Variants in CACNA2D3 observed in about 807,000 individuals in gnomAD.
The protein encoded by CACNA2D3 is voltage-dependent calcium channel subunit alpha-2/delta-3.
In CACNA2D3, 60 loss-of-function variants were observed where a neutral mutation model predicts 160.6. That is an observed-to-expected ratio of 0.37 (90% CI 0.30 to 0.46). The LOEUF (loss-of-function observed/expected upper bound fraction) is 0.46, where lower values mean the gene tolerates loss of function less well. Among genes scored for constraint, CACNA2D3 ranks in the 20% least tolerant of loss-of-function variants. The pLI is 1.00. For synonymous variants in CACNA2D3, 558 were observed against 492.9 expected, an observed-to-expected ratio of 1.13 and a Z score of -1.75; for missense variants, 1,205 against 1,365.0, an observed-to-expected ratio of 0.88 and a Z score of 1.85.
chr3:54,971,948 A>G (rs1322831244), intron 29 of CACNA2D3, among the ~76,000 whole-genome samples: 3 of 152,226 alleles, frequency 2.0e-5, no homozygotes, highest in Admixed American at 6.5e-5. Context: ...GACATGAACA[A>G]TGCATGGTAT....
intron 11 of CACNA2D3, among the ~76,000 whole-genome samples, chr3:54,687,135 G>GTTTTTTT (rs1290353261): frequency 2.2e-5 from 2 of 88,896 alleles, no homozygotes; most frequent in African/African-American, 4.4e-5. Context: ...TTTTTTTTTT[G>GTTTTTTT]TTTTTTTTTT....
chr3:54,347,846 G>C (rs1000962198), intron 3 of CACNA2D3, among the ~76,000 whole-genome samples: 2 of 152,052 alleles, frequency 1.3e-5, no homozygotes, highest in African/African-American at 4.8e-5. Flanking sequence ...CCTTCCACTT[G>C]CTGACATACT....
chr3:54,337,598 C>T (rs1014232535), intron 3 of CACNA2D3, among the ~76,000 whole-genome samples: 8 of 152,194 alleles, frequency 5.3e-5, no homozygotes, highest in Non-Finnish European at 1.0e-4. Context: ...GGTCCTTTTC[C>T]AGTGGAGGGG....
chr3:54,924,506 C>G (rs2106939177), intron 27 of CACNA2D3: 1 of 866,654 alleles, frequency 1.2e-6, no homozygotes, highest in Admixed American at 2.3e-5. Context: ...TGTGTAAAAG[C>G]CCAAATCCAC....
At chr3:54,428,283 A>G (rs1699938195) in intron 4 of CACNA2D3, among the ~76,000 whole-genome samples, 1 of 152,228 alleles carries the variant, frequency 6.6e-6, no homozygotes, top group Non-Finnish European at 1.5e-5. Context: ...TGACTAAGCA[A>G]CTTAACAGTT....
intron 4 of CACNA2D3, among the ~76,000 whole-genome samples, chr3:54,442,113 C>A (rs565531778): frequency 1.3e-5 from 2 of 152,130 alleles, no homozygotes; most frequent in African/African-American, 4.8e-5. Context: ...CCAGCTCATA[C>A]GCTTAAATTG....
At chr3:55,046,252 G>GT (rs1347939363) in intron 35 of CACNA2D3, among the ~76,000 whole-genome samples, 3 of 95,922 alleles carry the variant, frequency 3.1e-5, no homozygotes, top group Non-Finnish European at 6.3e-5. Context: ...CCCTCCCCCC[G>GT]TCCCCCACCC....
intron 9 of CACNA2D3, among the ~76,000 whole-genome samples, chr3:54,606,140 A>G (rs1698614100): frequency 7.5e-6 from 1 of 132,906 alleles, no homozygotes; most frequent in Non-Finnish European, 1.6e-5. Flanking sequence ...TATGTAATGT[A>G]ACTTTATATA....
intron 11 of CACNA2D3, among the ~76,000 whole-genome samples, chr3:54,716,973 C>T (rs189541605): frequency 9.0e-4 from 136 of 151,770 alleles, no homozygotes; most frequent in African/African-American, 2.8e-3. Flanking sequence ...CAGAACCTGC[C>T]AGGACCTTCA....
rs57761171 is a variant in CACNA2D3, at chr3:54,171,136, C to CTTTTTTTTTTTTTTTTTTTTTTTT, written c.204+47564_204+47565insTTTTTTTTTTTTTTTTTTTTTTTT. ...TCTGTTTACATTTTAAAGATGATGA[C>CTTTTTTTTTTTTTTTTTTTTTTTT]TTTTTTTTTTTTTTTTTTTTTTAGG... On this transcript the variant is annotated intron_variant, in intron 2 of 37. Transcript: ENST00000474759. Among the ~76,000 whole-genome samples the CTTTTTTTTTTTTTTTTTTTTTTTT allele has an allele frequency of 2.2e-4, 14 of 62,552 alleles. 5 individuals carry two copies. The highest frequency in any genetic ancestry group is 4.4e-4 in the African/African-American group (8 of 18,058). The allele number at this position is 62,552 out of a possible 152,430, so 41.0% of individuals were successfully genotyped here. A position where few individuals can be genotyped will look rare whatever the true frequency, so the allele number is the denominator to read the frequency against.
intron 2 of CACNA2D3, among the ~76,000 whole-genome samples, chr3:54,281,017 C>T (rs973560221): frequency 1.3e-5 from 2 of 152,218 alleles, no homozygotes; most frequent in Non-Finnish European, 2.9e-5. Context: ...ATTCCTCTGT[C>T]TTCAGCATCC....
At chr3:54,890,250 A>C (rs1457707261) in intron 24 of CACNA2D3, among the ~76,000 whole-genome samples, 1 of 152,142 alleles carries the variant, frequency 6.6e-6, no homozygotes, top group Non-Finnish European at 1.5e-5. Context: ...TAATCCCAGC[A>C]CTTTGGGAGG....
chr3:54,542,600 G>A (rs1194567513), intron 5 of CACNA2D3, among the ~76,000 whole-genome samples: 1 of 152,184 alleles, frequency 6.6e-6, no homozygotes, highest in East Asian at 1.9e-4. Context: ...GTCTGATGTT[G>A]GAGGGCAGGA....
At chr3:54,351,231 G>A (rs192782822) in intron 3 of CACNA2D3, among the ~76,000 whole-genome samples, 16 of 151,810 alleles carry the variant, frequency 1.1e-4, no homozygotes, top group Admixed American at 5.9e-4. Context: ...ATCTGCCTGC[G>A]TTAGCCTTCC....
At chr3:54,843,801 A>G (rs370996786) in intron 16 of CACNA2D3, among the ~76,000 whole-genome samples, 5 of 152,214 alleles carry the variant, frequency 3.3e-5, no homozygotes, top group African/African-American at 2.4e-5. Flanking sequence ...GGAGAAAAAC[A>G]TTAGTAGGAT....
chr3:55,057,352 GC>G (rs200971313), intron 35 of CACNA2D3, among the ~76,000 whole-genome samples: 2,261 of 152,072 alleles, frequency 0.015, 69 homozygotes, highest in African/African-American at 0.052. Flanking sequence ...ATCACTTCAT[GC>G]CCCATGAATA....
At chr3:54,625,886 G>A (rs774740153) in intron 9 of CACNA2D3, among the ~76,000 whole-genome samples, 1 of 152,178 alleles carries the variant, frequency 6.6e-6, no homozygotes, top group Non-Finnish European at 1.5e-5. Context: ...CATTTTGGGG[G>A]TCCTAAGCAG....
chr3:54,221,344 C>T (rs1701566602), intron 2 of CACNA2D3, among the ~76,000 whole-genome samples: 1 of 152,192 alleles, frequency 6.6e-6, no homozygotes, highest in South Asian at 2.1e-4. Flanking sequence ...AGATTACCAG[C>T]ATATTTTATG....
intron 5 of CACNA2D3, among the ~76,000 whole-genome samples, chr3:54,536,072 T>A (rs1429022685): frequency 6.6e-6 from 1 of 152,234 alleles, no homozygotes; most frequent in Non-Finnish European, 1.5e-5. Flanking sequence ...ATGTATTCCA[T>A]CTAAAAATGT....
Sources: allele counts gnomAD v4.1 joint callset (sites outside exome capture counted in the v4.1 genomes callset), GRCh38; gene constraint gnomAD v4.1.1; transcripts MANE v1.5; gene names NCBI Gene and HGNC (gene_info 2026-07-23, HGNC 2026-07-21).